The following DCAF6 variants were observed in gnomAD, a reference collection of about 807,000 sequenced individuals.
DCAF6 encodes DDB1 and CUL4 associated factor 6.
In DCAF6, 54 loss-of-function variants were observed where a neutral mutation model predicts 125.1. The ratio of observed to expected loss-of-function variants is 0.43; its 90% CI spans 0.35 to 0.54. DCAF6 has a LOEUF of 0.54. Among genes scored for constraint, DCAF6 ranks in the 20% least tolerant of loss-of-function variants. The pLI is 0.01. For synonymous variants in DCAF6, 371 were observed against 390.4 expected, an observed-to-expected ratio of 0.95 and a Z score of 0.58; for missense variants, 934 against 1,161.7, an observed-to-expected ratio of 0.80 and a Z score of 2.85.
chr1:168,026,120 TCTC>T (rs1274557941), intron 12 of DCAF6, among the ~76,000 whole-genome samples: 1 of 152,212 alleles, frequency 6.6e-6, no homozygotes, highest in African/African-American at 2.4e-5. Context: ...CTCTAGTAAG[TCTC>T]CTCTTTTTCT....
chr1:167,936,905 C>T lies in DCAF6; in HGVS notation c.-7C>T, dbSNP rs1204932367. On this transcript the variant is annotated 5_prime_UTR_variant, in exon 1 of 22. Coordinates refer to ENST00000367840, the MANE Select transcript of DCAF6 (RefSeq NM_001198956.2). The stretch of plus-strand genomic sequence containing the variant: ...GGTCTCCCCTCCCACCCGGCTCAGG[C>T]AGAGCCATGTCTCGGGGTGGCTCCT... 1 of 1,595,292 alleles carries T rather than the reference C, an allele frequency of 6.3e-7. No homozygotes were observed. Among genetic ancestry groups the T allele is most frequent in the Non-Finnish European group, 8.5e-7 (1 of 1,172,258 alleles).
the DCAF6 span, among the ~76,000 whole-genome samples, chr1:167,922,576 C>T: frequency 7.9e-4 from 120 of 151,836 alleles, 1 homozygote; most frequent in South Asian, 0.023. Context: ...GTTTTAGGAT[C>T]TTTTCTCAAT....
chr1:168,074,473 T>C (rs774777867), intron 21 of DCAF6, among the ~76,000 whole-genome samples: 1 of 152,204 alleles, frequency 6.6e-6, no homozygotes, highest in Non-Finnish European at 1.5e-5. Flanking sequence ...ATAAAACTTA[T>C]ATTCATTTAT....
At chr1:168,036,019 G>A (rs772523350) in intron 12 of DCAF6, among the ~76,000 whole-genome samples, 5 of 152,070 alleles carry the variant, frequency 3.3e-5, no homozygotes, top group Non-Finnish European at 5.9e-5. Context: ...CCGAGATCGC[G>A]CCATTGCACT....
chr1:168,032,549 ATAGT>A (rs1417030648), intron 12 of DCAF6, among the ~76,000 whole-genome samples: 1 of 152,306 alleles, frequency 6.6e-6, no homozygotes, highest in East Asian at 1.9e-4. Context: ...ATGTGGGGAG[ATAGT>A]TAAACTTTAT....
upstream of DCAF6, chr1:167,935,700 G>T: frequency 6.6e-7 from 1 of 1,513,326 alleles, no homozygotes; most frequent in Non-Finnish European, 9.0e-7. Flanking sequence ...CGAGAAGGAA[G>T]GTCTCGATAA....
rs1243731686 is a variant in DCAF6, at chr1:168,075,639, T to A, written c.*204T>A. ...ATAAAACAAAACTAGCAGAATGTTT[T>A]TAAAACTTTTTGCCGTGTATGAGGA... On this transcript the variant is annotated 3_prime_UTR_variant, in exon 22 of 22. Transcript: ENST00000367840. 2.1e-6 allele frequency: 1 copy of A among 484,780 alleles called. No homozygotes were observed. The highest frequency in any genetic ancestry group is 4.0e-5 in the Admixed American group (1 of 24,854). 30.0% of individuals were successfully genotyped at this position (484,780 alleles called of 1,614,324 possible).
chr1:167,983,227 G>A (rs1557928713), intron 4 of DCAF6, among the ~76,000 whole-genome samples: 2 of 152,158 alleles, frequency 1.3e-5, no homozygotes, highest in East Asian at 1.9e-4. Flanking sequence ...GATAGGAATA[G>A]CATTGAATCT....
intron 2 of DCAF6, among the ~76,000 whole-genome samples, chr1:167,962,785 T>C (rs1346316381): frequency 6.6e-6 from 1 of 151,070 alleles, no homozygotes; most frequent in Admixed American, 6.6e-5. Context: ...CAAAACTCTG[T>C]CTCTACTAAA....
intron 21 of DCAF6, among the ~76,000 whole-genome samples, chr1:168,073,271 G>T (rs1693369494): frequency 6.6e-6 from 1 of 152,186 alleles, no homozygotes; most frequent in Non-Finnish European, 1.5e-5. Context: ...AGACCTCCTT[G>T]TCTATAATTG....
intron 12 of DCAF6, among the ~76,000 whole-genome samples, chr1:168,037,948 AC>A (rs1688052560): frequency 6.6e-6 from 1 of 152,208 alleles, no homozygotes. Flanking sequence ...ACCGCTTTTC[AC>A]AGAGCCCTTG....
At chr1:167,946,307 T>C (rs1673083941) in intron 1 of DCAF6, among the ~76,000 whole-genome samples, 1 of 152,172 alleles carries the variant, frequency 6.6e-6, no homozygotes, top group South Asian at 2.1e-4. Context: ...TATAAGATCA[T>C]ATCATCAGGA....
chr1:167,935,779 C>T (rs947893646), upstream of DCAF6: 4 of 1,564,464 alleles, frequency 2.6e-6, no homozygotes, highest in African/African-American at 2.7e-5. Context: ...GCAGCATCAG[C>T]TCCACTTTAT....
At chr1:167,975,067 A>AT (rs764736643) in intron 4 of DCAF6, 52 bp downstream of exon 4, 1 of 1,235,222 alleles carries the variant, frequency 8.1e-7, no homozygotes, top group East Asian at 2.7e-5. Flanking sequence ...TATATTTTTG[A>AT]TTAAGTACAT....
chr1:167,922,343 C>T, the DCAF6 span, among the ~76,000 whole-genome samples: 86 of 152,008 alleles, frequency 5.7e-4, no homozygotes, highest in African/African-American at 2.0e-3. Context: ...TCAAATAAAC[C>T]CCAAAGCTAT....
chr1:167,981,770 G>A (rs1195925398), intron 4 of DCAF6, among the ~76,000 whole-genome samples: 2 of 152,120 alleles, frequency 1.3e-5, no homozygotes, highest in African/African-American at 4.8e-5. Context: ...GCTTCATTCA[G>A]TCCACCATTG....
intron 7 of DCAF6, among the ~76,000 whole-genome samples, chr1:167,994,268 TCTTAA>T (rs1415774259): frequency 1.3e-5 from 2 of 152,140 alleles, no homozygotes; most frequent in East Asian, 1.9e-4. Flanking sequence ...AAAATGTTTA[TCTTAA>T]CTTTGTAGAT....
chr1:167,864,033 G>T, the DCAF6 span, among the ~76,000 whole-genome samples: 1 of 152,208 alleles, frequency 6.6e-6, no homozygotes, highest in African/African-American at 2.4e-5. Flanking sequence ...ATCACCCACG[G>T]TGTGCCTGTT....
At chr1:168,052,774 A>G (rs1414046378) in intron 17 of DCAF6, among the ~76,000 whole-genome samples, 1 of 152,228 alleles carries the variant, frequency 6.6e-6, no homozygotes, top group African/African-American at 2.4e-5. Flanking sequence ...AATGGTAGTC[A>G]TCCCCTATTC....
Sources: allele counts gnomAD v4.1 joint callset (sites outside exome capture counted in the v4.1 genomes callset), GRCh38; gene constraint gnomAD v4.1.1; transcripts MANE v1.5; gene names NCBI Gene and HGNC (gene_info 2026-07-23, HGNC 2026-07-21).